The following MYO19 variants were observed in gnomAD, a reference collection of about 807,000 sequenced individuals.
The protein encoded by MYO19 is unconventional myosin-XIX.
MYO19 carries 132 observed loss-of-function variants against 129.2 expected under a neutral mutation model. The ratio of observed to expected loss-of-function variants is 1.02; its 90% CI spans 0.89 to 1.18. The LOEUF (loss-of-function observed/expected upper bound fraction) is 1.18. MYO19 is among the 50% of genes most tolerant of loss of function. The pLI is 0.00. For missense variants in MYO19, 1,210 were observed against 1,216.7 expected (o/e 0.99, Z 0.08); for synonymous variants, 531 against 477.2 (o/e 1.11, Z -1.47).
chr17:36,512,958 G>T, intron 11 of MYO19: 1 of 753,880 alleles, frequency 1.3e-6, no homozygotes, highest in Non-Finnish European at 1.8e-6. Context: ...TACTATGTCT[G>T]GTACTCTGTA....
At chr17:36,532,337 T>C (rs1265900966) in intron 3 of MYO19, among the ~76,000 whole-genome samples, 190 bp downstream of exon 3, 1 of 152,162 alleles carries the variant, frequency 6.6e-6, no homozygotes, top group African/African-American at 2.4e-5. Context: ...AGAAAGGAGC[T>C]AAAAACCACA....
intron 6 of MYO19, among the ~76,000 whole-genome samples, chr17:36,521,560 T>A (rs1567776205): frequency 6.6e-6 from 1 of 152,078 alleles, no homozygotes; most frequent in Non-Finnish European, 1.5e-5. Context: ...AACACAAAAA[T>A]ACTTTCCTGA....
chr17:36,508,934 G>A (rs557217010), intron 14 of MYO19, 128 bp downstream of exon 14: 2 of 752,758 alleles, frequency 2.7e-6, no homozygotes, highest in East Asian at 5.3e-5. Flanking sequence ...GCAGGCAGAT[G>A]CAAGAGGAGA....
At chr17:36,521,307 A>C (rs2073117106) in intron 6 of MYO19, among the ~76,000 whole-genome samples, 4 of 152,238 alleles carry the variant, frequency 2.6e-5, no homozygotes, top group Non-Finnish European at 5.9e-5. Flanking sequence ...TTATTTCATA[A>C]GCCTCTTTTA....
chr17:36,538,320 G>A, upstream of MYO19: 2 of 1,613,988 alleles, frequency 1.2e-6, no homozygotes, highest in Non-Finnish European at 1.7e-6. Flanking sequence ...AGGAGCTCTA[G>A]TACCATGTTC....
At chr17:36,526,438 C>T (rs1007208303) in intron 5 of MYO19, among the ~76,000 whole-genome samples, 2 of 152,154 alleles carry the variant, frequency 1.3e-5, no homozygotes, top group Non-Finnish European at 1.5e-5. Context: ...CACTTTTACA[C>T]CAACAAGCTC....
At chr17:36,527,433 A>T (rs2073542415) in intron 5 of MYO19, 118 bp downstream of exon 5, 1 of 1,201,972 alleles carries the variant, frequency 8.3e-7, no homozygotes, top group African/African-American at 1.5e-5. Context: ...CCGTGGCACT[A>T]GCAGACTCTG....
intron 13 of MYO19, 147 bp downstream of exon 13, chr17:36,510,599 G>A (rs1417530842): frequency 1.2e-6 from 1 of 847,820 alleles, no homozygotes; most frequent in Non-Finnish European, 1.8e-6. Flanking sequence ...GATGTGTCCA[G>A]GGGTTTGAGG....
At chr17:36,537,092 A>T, upstream of MYO19, 1 of 1,574,150 alleles carries the variant, frequency 6.4e-7, no homozygotes, top group Non-Finnish European at 8.6e-7. Flanking sequence ...TTGTTTTCAC[A>T]GGAAGAAAAA....
At chr17:36,519,721 T>C (rs1264124231) in intron 6 of MYO19, among the ~76,000 whole-genome samples, 1 of 113,218 alleles carries the variant, frequency 8.8e-6, no homozygotes, top group Non-Finnish European at 2.0e-5. Context: ...GGTTTTCATA[T>C]TCTTTTGCAC....
At position 36,500,894 on chromosome 17, in the gene MYO19, G is replaced by A; in HGVS notation, c.2313C>T (p.Gly771=). 6.2e-7 allele frequency: 1 copy of A among 1,608,104 alleles called. No homozygotes were observed. ...LEQCARCIQG[G]WRRHRHREQE... ...GCTCTCGGTGCCGGTGTCGCCTCCA[G>A]CCACCCTGGATGCAGCGGGCACACT... is the stretch of plus-strand genomic sequence containing the variant. The change falls in exon 23 of 26, where the codon GGC becomes GGT. Residue 771 remains glycine (G), a synonymous_variant. Coordinates refer to ENST00000614623, the MANE Select transcript of MYO19 (RefSeq NM_001163735.2).
At chr17:36,520,924 T>G (rs1357259638) in intron 6 of MYO19, among the ~76,000 whole-genome samples, 1 of 152,252 alleles carries the variant, frequency 6.6e-6, no homozygotes, top group African/African-American at 2.4e-5. Context: ...CATTTGATAT[T>G]GTACTACAGT....
Position 36,496,014 on chromosome 17 carries a change from T to A in MYO19, c.*237A>T. The A allele has an allele frequency of 1.3e-6, 1 of 790,796 alleles. No homozygotes were observed. The highest frequency in any genetic ancestry group is 2.8e-5 in the East Asian group (1 of 35,528). The allele number at this position is 790,796 out of a possible 1,614,324, so 49.0% of individuals were successfully genotyped here. On this transcript the variant is annotated 3_prime_UTR_variant, in exon 26 of 26. Coordinates refer to ENST00000614623, the MANE Select transcript of MYO19 (RefSeq NM_001163735.2). ...AGGTAGTGAAATGTGGCCCTGATGT[T>A]TCTTAACCCTGATTTGGTAACTACC...
At chr17:36,498,791 T>C (rs1014681345) in intron 24 of MYO19, 7 of 599,062 alleles carry the variant, frequency 1.2e-5, no homozygotes, top group Non-Finnish European at 2.1e-5. Context: ...TAAGAGTCCA[T>C]CAAGATATAA....
intron 2 of MYO19, among the ~76,000 whole-genome samples, chr17:36,541,226 C>T (rs753052540): frequency 2.0e-5 from 3 of 151,866 alleles, no homozygotes; most frequent in Non-Finnish European, 2.9e-5. Context: ...ATTACAGGTG[C>T]GAGCCACCGC....
intron 24 of MYO19, 21 bp from the exon 25 acceptor site, chr17:36,498,580 T>TA (rs760049660): frequency 1.3e-6 from 2 of 1,592,360 alleles, no homozygotes; most frequent in South Asian, 2.2e-5. Flanking sequence ...AAATATCCCT[T>TA]TATAGCTTTA....
At chr17:36,499,866 T>G (rs1365313391) in intron 23 of MYO19, 1 of 149,842 alleles carries the variant, frequency 6.7e-6, no homozygotes, top group African/African-American at 2.4e-5. Context: ...TTTGTTGTTT[T>G]TTTTTTTTTT....
At chr17:36,509,905 C>A (rs1352724688) in intron 13 of MYO19, 5 of 152,190 alleles carry the variant, frequency 3.3e-5, no homozygotes, top group Non-Finnish European at 7.3e-5. Context: ...CAAATTGTGA[C>A]CTGAAATTAG....
upstream of MYO19, chr17:36,538,511 C>T (rs773413994): frequency 4.9e-5 from 79 of 1,613,780 alleles, 1 homozygote; most frequent in Middle Eastern, 9.9e-4. Context: ...ATACATTACA[C>T]AGCAGTACCT....
Sources: allele counts gnomAD v4.1 joint callset (sites outside exome capture counted in the v4.1 genomes callset), GRCh38; gene constraint gnomAD v4.1.1; transcripts MANE v1.5; gene names NCBI Gene and HGNC (gene_info 2026-07-23, HGNC 2026-07-21).